Variants in CADM2 observed in about 807,000 individuals in gnomAD.
The protein encoded by CADM2 is cell adhesion molecule 2.
A neutral mutation model predicts 49.8 loss-of-function variants in CADM2; 12 were observed. That is an observed-to-expected ratio of 0.24 (90% CI 0.15 to 0.39). The LOEUF (loss-of-function observed/expected upper bound fraction) is 0.39. Among genes scored for constraint, CADM2 ranks in the 10% least tolerant of loss-of-function variants. The pLI, the probability that CADM2 is intolerant of heterozygous loss-of-function variation, is 1.00. For synonymous variants in CADM2, 214 were observed against 175.4 expected (o/e 1.22, Z -1.74); for missense variants, 378 against 492.3 (o/e 0.77, Z 2.20).
chr3:85,017,957 C>A (rs113342113), intron 1 of CADM2, among the ~76,000 whole-genome samples: 6 of 152,188 alleles, frequency 3.9e-5, no homozygotes, highest in African/African-American at 1.4e-4. Flanking sequence ...GTTGCTTAAT[C>A]TCTGGTCAAT....
chr3:85,349,805 G>T (rs911293353), intron 1 of CADM2, among the ~76,000 whole-genome samples: 1 of 152,180 alleles, frequency 6.6e-6, no homozygotes, highest in Admixed American at 6.5e-5. Flanking sequence ...AGAATTTATG[G>T]AGAATTGGAT....
At chr3:85,683,231 G>A (rs945332183) in intron 1 of CADM2, among the ~76,000 whole-genome samples, 1 of 150,260 alleles carries the variant, frequency 6.7e-6, no homozygotes, top group Non-Finnish European at 1.5e-5. Flanking sequence ...GGAAAAAAAA[G>A]GATGGAGGAG....
chr3:85,738,167 C>G (rs916440788), intron 2 of CADM2, among the ~76,000 whole-genome samples: 3 of 35,118 alleles, frequency 8.5e-5, no homozygotes, highest in Non-Finnish European at 1.4e-4. Context: ...CGTATATTCA[C>G]AATGATTCAC....
At chr3:85,005,941 T>A (rs1044519076) in intron 1 of CADM2, among the ~76,000 whole-genome samples, 2 of 151,994 alleles carry the variant, frequency 1.3e-5, no homozygotes, top group African/African-American at 2.4e-5. Flanking sequence ...TGAGTGGGAG[T>A]CTAATATTAA....
intron 1 of CADM2, among the ~76,000 whole-genome samples, chr3:85,056,589 G>A (rs2036088382): frequency 6.6e-6 from 1 of 152,056 alleles, no homozygotes; most frequent in Non-Finnish European, 1.5e-5. Flanking sequence ...TTCAATCCCT[G>A]CAATTTGCAA....
At chr3:85,803,857 A>C (rs1396187706) in intron 3 of CADM2, among the ~76,000 whole-genome samples, 2 of 152,206 alleles carry the variant, frequency 1.3e-5, no homozygotes, top group African/African-American at 4.8e-5. Flanking sequence ...GTTTAACCAA[A>C]CATCTGGGAA....
At chr3:85,359,810 G>T (rs1021927023) in intron 1 of CADM2, among the ~76,000 whole-genome samples, 1 of 149,160 alleles carries the variant, frequency 6.7e-6, no homozygotes, top group African/African-American at 2.5e-5. Context: ...TATTTTAAAT[G>T]CTGCAAAAAA....
chr3:85,434,325 T>A (rs1190545653), intron 1 of CADM2, among the ~76,000 whole-genome samples: 1 of 152,002 alleles, frequency 6.6e-6, no homozygotes, highest in Non-Finnish European at 1.5e-5. Flanking sequence ...CTTACTATTT[T>A]CATTTTTTCT....
chr3:85,617,205 C>A (rs1037519228), intron 1 of CADM2, among the ~76,000 whole-genome samples: 1 of 152,116 alleles, frequency 6.6e-6, no homozygotes, highest in African/African-American at 2.4e-5. Context: ...TCCGACAGCA[C>A]TCACAAGTCT....
chr3:85,736,755 A>G (rs550624374), intron 2 of CADM2, among the ~76,000 whole-genome samples: 123 of 152,278 alleles, frequency 8.1e-4, no homozygotes, highest in African/African-American at 2.8e-3. Flanking sequence ...GAATATTCTT[A>G]CATTCACACT....
intron 1 of CADM2, among the ~76,000 whole-genome samples, chr3:85,113,703 C>A (rs1290921064): frequency 5.8e-5 from 7 of 120,428 alleles, no homozygotes; most frequent in African/African-American, 2.4e-4. Context: ...TTTTTTTGTG[C>A]TATAGGCAAT....
At chr3:85,216,734 C>A (rs2107783102) in intron 1 of CADM2, among the ~76,000 whole-genome samples, 1 of 152,010 alleles carries the variant, frequency 6.6e-6, no homozygotes, top group East Asian at 1.9e-4. Flanking sequence ...GTTTATCTTG[C>A]TATAAAGGTC....
intron 1 of CADM2, among the ~76,000 whole-genome samples, chr3:85,231,010 A>C (rs1205731488): frequency 2.0e-5 from 3 of 151,096 alleles, no homozygotes; most frequent in African/African-American, 7.3e-5. Flanking sequence ...AAAAAAAAAA[A>C]CTCTCTTGCC....
chr3:85,752,366 G>T (rs544111432), intron 2 of CADM2, among the ~76,000 whole-genome samples: 1 of 152,022 alleles, frequency 6.6e-6, no homozygotes, highest in East Asian at 1.9e-4. Context: ...GTGTGGTGTA[G>T]ATCTAGGCAG....
At chr3:85,561,218 C>G (rs2062087688) in intron 1 of CADM2, among the ~76,000 whole-genome samples, 1 of 134,742 alleles carries the variant, frequency 7.4e-6, no homozygotes, top group Non-Finnish European at 1.7e-5. Flanking sequence ...CAATACTTGT[C>G]TGTGACTATT....
intron 1 of CADM2, among the ~76,000 whole-genome samples, chr3:85,252,253 G>A (rs1191758752): frequency 6.6e-6 from 1 of 151,850 alleles, no homozygotes; most frequent in Non-Finnish European, 1.5e-5. Flanking sequence ...CAATTACTTT[G>A]ACATACACTC....
At chr3:86,051,277 G>A (rs771446119) in intron 8 of CADM2, among the ~76,000 whole-genome samples, 3 of 152,020 alleles carry the variant, frequency 2.0e-5, no homozygotes, top group Non-Finnish European at 4.4e-5. Context: ...CATAACTAAC[G>A]TGACCTTTGC....
intron 1 of CADM2, among the ~76,000 whole-genome samples, chr3:85,141,790 A>G (rs150340793): frequency 6.6e-6 from 1 of 152,294 alleles, no homozygotes; most frequent in African/African-American, 2.4e-5. Context: ...ACGTTTTCAC[A>G]TCTCAGTATA....
At chr3:85,077,262 A>C (rs2036980726) in intron 1 of CADM2, among the ~76,000 whole-genome samples, 1 of 152,176 alleles carries the variant, frequency 6.6e-6, no homozygotes, top group African/African-American at 2.4e-5. Context: ...CCTATATTAT[A>C]AAACATTTTA....
Sources: gnomAD v4.1 joint callset for allele counts (sites outside exome capture counted in the v4.1 genomes callset) on GRCh38, gnomAD v4.1.1 for gene constraint, MANE v1.5 for transcripts, NCBI Gene and HGNC (gene_info 2026-07-23, HGNC 2026-07-21) for gene names.